The following RHNO1 variants were observed in gnomAD, a reference collection of about 807,000 sequenced individuals.
The protein encoded by RHNO1 is RAD9-HUS1-RAD1 interacting nuclear orphan 1, also known as RAD9, HUS1, RAD1-interacting nuclear orphan protein 1.
A neutral mutation model predicts 7.2 loss-of-function variants in RHNO1; 9 were observed. The ratio of observed to expected loss-of-function variants is 1.25; its 90% CI spans 0.75 to 2.18. The LOEUF (loss-of-function observed/expected upper bound fraction) is 2.18, where lower values mean the gene tolerates loss of function less well. Ranked by LOEUF, RHNO1 falls within the 30% of genes most tolerant of loss-of-function variation. The probability of loss-of-function intolerance (pLI) is 0.00; values close to 1 mark genes in which losing one functional copy is unlikely to be tolerated. For missense variants in RHNO1, 292 were observed against 284.5 expected (o/e 1.03, Z -0.19); for synonymous variants, 95 against 107.5 (o/e 0.88, Z 0.72).
chr12:2,881,721 A>G (rs1038011261), intron 1 of RHNO1, among the ~76,000 whole-genome samples: 2 of 151,784 alleles, frequency 1.3e-5, no homozygotes, highest in Non-Finnish European at 2.9e-5. Context: ...CCTGGTCAAC[A>G]TAGCGAAACC....
intron 1 of RHNO1, among the ~76,000 whole-genome samples, chr12:2,883,793 G>A (rs1445641895): frequency 6.6e-6 from 1 of 151,798 alleles, no homozygotes; most frequent in African/African-American, 2.4e-5. Flanking sequence ...TGGGATTACA[G>A]GCATGAGCCA....
At position 2,886,736 on chromosome 12, in the gene RHNO1, G is replaced by A. The variant is rs563064067; in HGVS notation, c.169-1175G>A. On this transcript the variant is annotated intron_variant, in intron 2 of 2. Transcript: ENST00000489288. ...CAACAGGAAAGTAGTATAGTAAAAG[G>A]GCCAGACAAAAGCATAAGCTTGGCT... Among the ~76,000 whole-genome samples the A allele has an allele frequency of 2.0e-5, 3 of 152,040 alleles. No individual in the cohort carries two copies. In the South Asian group the frequency reaches 6.2e-4, roughly 32 times the overall value.
At chr12:2,877,859 GA>G (rs1361565269) in intron 1 of RHNO1, 8 of 152,312 alleles carry the variant, frequency 5.3e-5, no homozygotes, top group Non-Finnish European at 1.0e-4. Context: ...CCCAATCCTG[GA>G]AGAGGGGCAC....
chr12:2,879,617 A>C (rs1365467609), intron 1 of RHNO1, among the ~76,000 whole-genome samples: 1 of 151,734 alleles, frequency 6.6e-6, no homozygotes, highest in Non-Finnish European at 1.5e-5. Flanking sequence ...TACAGGCGTG[A>C]GCCACTGCGC....
chr12:2,885,798 A>C, intron 2 of RHNO1: 1 of 287,246 alleles, frequency 3.5e-6, no homozygotes, highest in Non-Finnish European at 6.6e-6. Context: ...GATGGTCTCT[A>C]TCTCCTGACC....
At chr12:2,878,498 G>T (rs888914426) in intron 1 of RHNO1, among the ~76,000 whole-genome samples, 2 of 151,998 alleles carry the variant, frequency 1.3e-5, no homozygotes, top group Non-Finnish European at 2.9e-5. Context: ...TAGCCATACC[G>T]AGAAGTTTTG....
At chr12:2,886,895 A>G (rs946597621) in intron 2 of RHNO1, 3 of 446,066 alleles carry the variant, frequency 6.7e-6, no homozygotes, top group Admixed American at 2.4e-5. Flanking sequence ...TTGAATATTC[A>G]TTATATGCCA....
rs143141248 is a variant in RHNO1 at position 2,879,843 on chromosome 12, G to C, written c.-85+2561G>C. ...GCTCCAAAGCACAACCAGAGGGGAA[G>C]GACTTAGACAGCAGAATGAACTGAC... is the stretch of plus-strand genomic sequence containing the variant. On this transcript the variant is annotated intron_variant, in intron 1 of 2. Transcript: ENST00000489288. Among the ~76,000 whole-genome samples the C allele has an allele frequency of 4.3e-4, 65 of 152,042 alleles. 1 individual carries two copies. Among genetic ancestry groups the C allele is most frequent in the African/African-American group, 1.5e-3 (63 of 41,404 alleles).
At chr12:2,884,225 T>G (rs1051424013) in intron 1 of RHNO1, among the ~76,000 whole-genome samples, 2 of 151,734 alleles carry the variant, frequency 1.3e-5, no homozygotes, top group African/African-American at 4.9e-5. Context: ...CACACCCGGC[T>G]AATCTTTTTT....
In RHNO1 at chr12:2,887,974, C is replaced by T. The variant is rs780717479; in HGVS notation, c.232C>T (p.Arg78Trp). ...CCCAGCCTACCAGAAACACCAAAACCGGGCGAGACACTCAAGTCGAAAACC... is the reference window on the plus strand; with the variant it reads ...CCCAGCCTACCAGAAACACCAAAACTGGGCGAGACACTCAAGTCGAAAACC... ...LFPAYQKHQN[R>W]ARHSSRKPTT... Residue 78 changes from arginine (R) to tryptophan (W), a missense_variant, in exon 3 of 3, where the codon CGG becomes TGG. Physicochemically the swap from Arg to Trp is moderately radical, Grantham distance 101. Coordinates refer to ENST00000489288, the MANE Select transcript of RHNO1 (RefSeq NM_001252499.3). 5.6e-6 allele frequency: 9 copies of T among 1,613,256 alleles called. No homozygotes were observed. Among genetic ancestry groups the T allele is most frequent in the Admixed American group, 3.3e-5 (2 of 59,876 alleles).
At chr12:2,886,433 T>G (rs1318249022) in intron 2 of RHNO1, 1 of 152,602 alleles carries the variant, frequency 6.6e-6, no homozygotes, top group Middle Eastern at 3.4e-3. Context: ...GGAGGATTGC[T>G]TGAGCCCAGG....
intron 2 of RHNO1, 81 bp downstream of exon 2, chr12:2,885,615 C>T: frequency 2.4e-6 from 3 of 1,262,240 alleles, no homozygotes; most frequent in Non-Finnish European, 3.2e-6. Context: ...CGCTCTATCG[C>T]CCAGGCTGGA....
In RHNO1 at chr12:2,888,057, G is replaced by C; in HGVS notation, c.315G>C (p.Glu105Asp). 1 of 1,614,116 alleles carries C rather than the reference G, an allele frequency of 6.2e-7. No homozygotes were observed. The highest frequency in any genetic ancestry group is 8.5e-7 in the Non-Finnish European group (1 of 1,180,030). Residue 105 changes from glutamate to aspartate, a missense_variant, in exon 3 of 3, where the codon GAG becomes GAC. Coordinates refer to ENST00000489288, the MANE Select transcript of RHNO1 (RefSeq NM_001252499.3). ...AGAGTCCGCAATCTTCCAGTTCAGA[G>C]ACATTGGGGATCCCCTTAATCCGAG... Reference protein sequence around the residue: ...TFESPQSSSSETLGIPLIREC... With the variant: ...TFESPQSSSSDTLGIPLIREC...
chr12:2,880,044 GGT>G (rs1235644253), intron 1 of RHNO1, among the ~76,000 whole-genome samples: 2 of 152,048 alleles, frequency 1.3e-5, no homozygotes, highest in Non-Finnish European at 2.9e-5. Context: ...GGCAGGGTGT[GGT>G]GATTCACATG....
chr12:2,876,911 C>T (rs899077918), upstream of RHNO1: 1 of 152,394 alleles, frequency 6.6e-6, no homozygotes, highest in Non-Finnish European at 1.5e-5. Flanking sequence ...ATTGCTGCAT[C>T]CCGCTCACCT....
chr12:2,880,806 C>A (rs763896073), intron 1 of RHNO1, among the ~76,000 whole-genome samples: 1 of 151,868 alleles, frequency 6.6e-6, no homozygotes, highest in African/African-American at 2.4e-5. Context: ...GCTAATTATT[C>A]TTTTAAATTT....
upstream of RHNO1, chr12:2,876,612 T>G (rs2098144432): frequency 6.6e-6 from 1 of 152,268 alleles, no homozygotes; most frequent in Admixed American, 6.5e-5. Flanking sequence ...TAGTACAATC[T>G]CAGTCTTCAT....
Position 2,880,745 on chromosome 12 carries a change from C to T in RHNO1, c.-85+3463C>T, listed in dbSNP as rs796891729. ...AATTCCCAGGCTCAAGTGATCCTCC[C>T]ACCTCAGCCTCCCAAGTAGCTGGGA... On this transcript the variant is annotated intron_variant, in intron 1 of 2. Coordinates refer to ENST00000489288, the MANE Select transcript of RHNO1 (RefSeq NM_001252499.3). Among the ~76,000 whole-genome samples, 42 of 152,040 alleles carry T rather than the reference C, an allele frequency of 2.8e-4. 1 individual carries two copies. Among genetic ancestry groups the T allele is most frequent in the African/African-American group, 9.9e-4 (41 of 41,392 alleles).
At chr12:2,885,256 C>T in intron 1 of RHNO1, 27 bp from the exon 2 acceptor site, 2 of 930,572 alleles carry the variant, frequency 2.1e-6, no homozygotes, top group Non-Finnish European at 3.3e-6. Context: ...GAATTATTTG[C>T]TCCCAGCTTT....
Sources: gnomAD v4.1 joint callset for allele counts (sites outside exome capture counted in the v4.1 genomes callset) on GRCh38, gnomAD v4.1.1 for gene constraint, MANE v1.5 for transcripts, NCBI Gene and HGNC (gene_info 2026-07-23, HGNC 2026-07-21) for gene names.